N4BP2: variants seen among roughly 807,000 people sequenced by gnomAD.
The protein encoded by N4BP2 is NEDD4 binding protein 2.
In N4BP2, 91 loss-of-function variants were observed where a neutral mutation model predicts 152.8. That is an observed-to-expected ratio of 0.60 (90% CI 0.50 to 0.71). The LOEUF (loss-of-function observed/expected upper bound fraction) is 0.71. Among genes scored for constraint, N4BP2 ranks in the 30% least tolerant of loss-of-function variants. The probability of loss-of-function intolerance (pLI) is 0.00; values close to 1 mark genes in which losing one functional copy is unlikely to be tolerated. For synonymous variants in N4BP2, 646 were observed against 705.3 expected, an observed-to-expected ratio of 0.92 and a Z score of 1.33; for missense variants, 1,923 against 2,059.1, an observed-to-expected ratio of 0.93 and a Z score of 1.28.
At chr4:40,172,625 G>A in the N4BP2 span, among the ~76,000 whole-genome samples, 1 of 152,132 alleles carries the variant, frequency 6.6e-6, no homozygotes, top group Non-Finnish European at 1.5e-5. Context: ...CCCTCAGAAG[G>A]CACTAGCCCT....
the N4BP2 span, among the ~76,000 whole-genome samples, chr4:40,177,150 G>A: frequency 6.6e-6 from 1 of 152,120 alleles, no homozygotes; most frequent in Non-Finnish European, 1.5e-5. Flanking sequence ...GGAGGGGGTC[G>A]TGCCTAGCTA....
chr4:40,075,847 G>T (rs1712676245), intron 2 of N4BP2, among the ~76,000 whole-genome samples: 1 of 152,018 alleles, frequency 6.6e-6, no homozygotes, highest in African/African-American at 2.4e-5. Context: ...GTTTGTTTGA[G>T]ACAGGGTTTT....
intron 6 of N4BP2, among the ~76,000 whole-genome samples, chr4:40,112,859 C>T (rs1483285415): frequency 3.3e-5 from 5 of 152,062 alleles, no homozygotes; most frequent in East Asian, 1.9e-4. Context: ...CCCGCCACCA[C>T]GCCCAGCTAA....
intron 2 of N4BP2, among the ~76,000 whole-genome samples, chr4:40,086,496 C>T (rs949236371): frequency 4.6e-5 from 7 of 151,822 alleles, no homozygotes; most frequent in African/African-American, 1.7e-4. Flanking sequence ...CGCCACCATG[C>T]CCAGCTAATT....
chr4:40,119,102 G>A (rs565375162), intron 8 of N4BP2, among the ~76,000 whole-genome samples: 1 of 152,288 alleles, frequency 6.6e-6, no homozygotes, highest in East Asian at 1.9e-4. Flanking sequence ...TCTCTGACAA[G>A]TTACAAATCT....
At chr4:40,142,525 A>G in intron 14 of N4BP2, 148 bp from the exon 15 acceptor site, 1 of 598,292 alleles carries the variant, frequency 1.7e-6, no homozygotes. Context: ...CCTGACTTAC[A>G]AGGTAGACGC....
At chr4:40,130,409 T>C (rs145070998) in intron 12 of N4BP2, among the ~76,000 whole-genome samples, 109 of 152,366 alleles carry the variant, frequency 7.2e-4, no homozygotes, top group African/African-American at 2.5e-3. Context: ...TTTTTAGTCA[T>C]ATTGTTACCT....
At chr4:40,131,633 A>G (rs908918846) in intron 12 of N4BP2, among the ~76,000 whole-genome samples, 168 bp from the exon 13 acceptor site, 9 of 152,218 alleles carry the variant, frequency 5.9e-5, no homozygotes, top group African/African-American at 1.7e-4. Flanking sequence ...ATATAAATAA[A>G]TAGTGCAAGA....
chr4:40,137,409 T>C (rs1221519697), intron 14 of N4BP2, among the ~76,000 whole-genome samples: 2 of 152,232 alleles, frequency 1.3e-5, no homozygotes, highest in African/African-American at 4.8e-5. Flanking sequence ...ATATTTAGCC[T>C]TTTGGGAAAG....
intron 14 of N4BP2, 35 bp downstream of exon 14, chr4:40,137,117 G>GCT (rs771005362): frequency 6.7e-7 from 1 of 1,496,686 alleles, no homozygotes; most frequent in Non-Finnish European, 9.1e-7. Context: ...TACAAGGGTA[G>GCT]ATAATTGCAT....
At chr4:40,134,964 A>G (rs370954418) in intron 13 of N4BP2, among the ~76,000 whole-genome samples, 5 of 29,210 alleles carry the variant, frequency 1.7e-4, no homozygotes, top group Admixed American at 1.3e-3. Context: ...TTTTATTATT[A>G]TACTTTAAGT....
chr4:40,081,995 C>A (rs1713419214), intron 2 of N4BP2, among the ~76,000 whole-genome samples: 1 of 152,082 alleles, frequency 6.6e-6, no homozygotes, highest in African/African-American at 2.4e-5. Context: ...GCCTGTAATC[C>A]CAGCTATTCG....
Position 40,102,921 on chromosome 4 carries a change from C to T in N4BP2, c.1076C>T (p.Pro359Leu), listed in dbSNP as rs776522186. The T allele has an allele frequency of 1.9e-6, 3 of 1,614,224 alleles. No homozygotes were observed. The highest frequency in any genetic ancestry group is 2.5e-6 in the Non-Finnish European group (3 of 1,180,050). Residue 359 changes from proline (P) to leucine (L), a missense_variant, in exon 4 of 18, where the codon CCT (proline) becomes CTT (leucine). Physicochemically the swap from Pro to Leu is moderately conservative, Grantham distance 98. Coordinates refer to ENST00000261435, the MANE Select transcript of N4BP2 (RefSeq NM_018177.6). ...CCATTGCTGTTGCCTCCTCCGCCAC[C>T]TCCACCGATGTGGAATCCAATGATT... Reference protein sequence around the residue: ...PLPLLLPPPPPPPMWNPMIPA... With the variant: ...PLPLLLPPPPLPPMWNPMIPA...
At chr4:40,172,785 CTG>C in the N4BP2 span, among the ~76,000 whole-genome samples, 1 of 152,222 alleles carries the variant, frequency 6.6e-6, no homozygotes, top group Non-Finnish European at 1.5e-5. Context: ...GTGTTTGAAT[CTG>C]TGAATGACCA....
At chr4:40,183,496 C>A in the N4BP2 span, among the ~76,000 whole-genome samples, 2 of 152,100 alleles carry the variant, frequency 1.3e-5, no homozygotes, top group Non-Finnish European at 2.9e-5. Context: ...CTACCGTGCC[C>A]AGCTAATTTT....
At chr4:40,104,929 G>A (rs1011141634) in intron 4 of N4BP2, among the ~76,000 whole-genome samples, 2 of 151,000 alleles carry the variant, frequency 1.3e-5, no homozygotes, top group Non-Finnish European at 3.0e-5. Context: ...CTCGGCCTCC[G>A]GAGTAGCGGG....
chr4:40,075,829 TTTTG>T (rs912778215), intron 2 of N4BP2, among the ~76,000 whole-genome samples: 56 of 152,174 alleles, frequency 3.7e-4, no homozygotes, highest in African/African-American at 1.3e-3. Context: ...ATATTTCTTT[TTTTG>T]TTTGTTTGTT....
At chr4:40,071,151 C>A (rs1037238068) in intron 1 of N4BP2, among the ~76,000 whole-genome samples, 1 of 152,140 alleles carries the variant, frequency 6.6e-6, no homozygotes, top group African/African-American at 2.4e-5. Context: ...ACCCATCCAC[C>A]TCCTTCTCTA....
intron 16 of N4BP2, among the ~76,000 whole-genome samples, chr4:40,150,676 GAAA>G (rs10675156): frequency 6.8e-6 from 1 of 146,330 alleles, no homozygotes. Flanking sequence ...GTCTCAGGGG[GAAA>G]AAAAAAAAAG....
Sources: allele counts gnomAD v4.1 joint callset (sites outside exome capture counted in the v4.1 genomes callset), GRCh38; gene constraint gnomAD v4.1.1; transcripts MANE v1.5; gene names NCBI Gene and HGNC (gene_info 2026-07-23, HGNC 2026-07-21).